Variants in NCAM2 observed in about 807,000 individuals in gnomAD.
NCAM2 encodes the protein N-CAM-2.
A neutral mutation model predicts 98.1 loss-of-function variants in NCAM2; 30 were observed. The ratio of observed to expected loss-of-function variants is 0.31; its 90% CI spans 0.23 to 0.41. The LOEUF (loss-of-function observed/expected upper bound fraction) is 0.41. Ranked by LOEUF, NCAM2 falls within the 10% of genes least tolerant of loss-of-function variation. The pLI is 1.00. For missense variants in NCAM2, 867 were observed against 1,005.8 expected, an observed-to-expected ratio of 0.86 and a Z score of 1.87; for synonymous variants, 368 against 342.4, an observed-to-expected ratio of 1.07 and a Z score of -0.83.
Position 21,292,210 on chromosome 21 carries a change from T to C in NCAM2, c.588T>C (p.Ile196=), listed in dbSNP as rs759230294. Residue 196 remains isoleucine, a synonymous_variant, in exon 5 of 18, where the codon ATT becomes ATC. Transcript: ENST00000400546. The part of the protein sequence containing the change: ...CEGRVEARGE[I]DFRDIIVIVN... ...GAAGAGTGGAGGCCAGGGGAGAAAT[T>C]GACTTCCGTGATATCATTGTTATTG... The C allele has an allele frequency of 4.3e-6, 7 of 1,610,062 alleles. No homozygotes were observed. Among genetic ancestry groups the C allele is most frequent in the Admixed American group, 1.7e-5 (1 of 59,588 alleles).
chr21:21,480,949 A>C (rs1985823114), intron 15 of NCAM2, among the ~76,000 whole-genome samples: 1 of 152,210 alleles, frequency 6.6e-6, no homozygotes, highest in African/African-American at 2.4e-5. Context: ...CATCAGATCC[A>C]TTTAGTATTT....
chr21:21,160,682 G>T (rs1487950677), intron 1 of NCAM2, among the ~76,000 whole-genome samples: 1 of 151,894 alleles, frequency 6.6e-6, no homozygotes, highest in Admixed American at 6.6e-5. Context: ...ATGCTATAGT[G>T]TTGTGTATGC....
chr21:21,083,974 C>T (rs6518070), intron 1 of NCAM2, among the ~76,000 whole-genome samples: 34,379 of 151,998 alleles, frequency 0.23, 4,514 homozygotes, highest in African/African-American at 0.36. Context: ...TTAGGCCTGC[C>T]ATAACAAAAA....
At chr21:21,457,569 G>A (rs1982336189) in intron 12 of NCAM2, among the ~76,000 whole-genome samples, 1 of 151,972 alleles carries the variant, frequency 6.6e-6, no homozygotes, top group South Asian at 2.1e-4. Context: ...GAACCCAGGA[G>A]GCAGAGGTTG....
chr21:21,041,665 A>G (rs539976808), intron 1 of NCAM2, among the ~76,000 whole-genome samples: 42 of 152,320 alleles, frequency 2.8e-4, no homozygotes, highest in African/African-American at 1.0e-3. Flanking sequence ...TGAGTTTTTC[A>G]CAAAGTAGAT....
chr21:21,219,370 A>G (rs1241812183), intron 1 of NCAM2, among the ~76,000 whole-genome samples: 2 of 152,148 alleles, frequency 1.3e-5, no homozygotes, highest in East Asian at 3.9e-4. Context: ...AATTGTTTCT[A>G]CTCAATTTAA....
At chr21:21,411,347 A>T (rs961438637) in intron 10 of NCAM2, among the ~76,000 whole-genome samples, 11 of 149,380 alleles carry the variant, frequency 7.4e-5, no homozygotes, top group African/African-American at 1.2e-4. Flanking sequence ...TTTTCTTTTC[A>T]GTCTGGCAGG....
At chr21:21,241,522 G>C (rs774502388) in intron 1 of NCAM2, among the ~76,000 whole-genome samples, 1 of 152,096 alleles carries the variant, frequency 6.6e-6, no homozygotes, top group African/African-American at 2.4e-5. Context: ...ATGGAGTTCA[G>C]GCTGTAGCCC....
intron 1 of NCAM2, among the ~76,000 whole-genome samples, chr21:21,270,293 C>T (rs1377549126): frequency 6.6e-6 from 1 of 152,136 alleles, no homozygotes; most frequent in African/African-American, 2.4e-5. Flanking sequence ...GATGAGTGAC[C>T]TGTTCCTGGT....
chr21:21,531,687 A>T (rs545509521), intron 16 of NCAM2, among the ~76,000 whole-genome samples: 30 of 152,230 alleles, frequency 2.0e-4, no homozygotes, highest in African/African-American at 7.2e-4. Flanking sequence ...TTTGACAAAC[A>T]ATTGCCTCAT....
intron 1 of NCAM2, among the ~76,000 whole-genome samples, chr21:21,076,572 G>A (rs1034184314): frequency 3.3e-5 from 5 of 151,992 alleles, no homozygotes; most frequent in Admixed American, 2.0e-4. Context: ...TTAAAACTGG[G>A]TCAGTCTATT....
intron 1 of NCAM2, among the ~76,000 whole-genome samples, chr21:21,045,146 C>T (rs907623624): frequency 1.3e-5 from 2 of 151,978 alleles, no homozygotes; most frequent in African/African-American, 4.8e-5. Flanking sequence ...AAACTGTTAA[C>T]AGACATTAAC....
chr21:21,075,262 A>C (rs2146381107), intron 1 of NCAM2, among the ~76,000 whole-genome samples: 1 of 152,252 alleles, frequency 6.6e-6, no homozygotes, highest in South Asian at 2.1e-4. Flanking sequence ...GATGCAGCAA[A>C]CCACCATGGT....
At chr21:21,267,557 G>A (rs766893935) in intron 1 of NCAM2, among the ~76,000 whole-genome samples, 1 of 151,940 alleles carries the variant, frequency 6.6e-6, no homozygotes, top group Non-Finnish European at 1.5e-5. Flanking sequence ...ATTGTGTAAA[G>A]ATTTTTCACA....
chr21:21,386,468 A>G lies in NCAM2; in HGVS notation c.1195+12455A>G, dbSNP rs1005759357. On this transcript the variant is annotated intron_variant, in intron 9 of 17. Coordinates refer to ENST00000400546, the MANE Select transcript of NCAM2 (RefSeq NM_004540.5). ...TACTGCCTGCAACTATTTAGGTTTT[A>G]TGTCCAGTATGGTAATTTCAAGGAC... Among the ~76,000 whole-genome samples the G allele has an allele frequency of 8.5e-5, 13 of 152,290 alleles. 1 individual carries two copies. The South Asian group carries it at 2.7e-3, about 32-fold the overall frequency.
At chr21:21,187,688 G>A (rs1249673175) in intron 1 of NCAM2, among the ~76,000 whole-genome samples, 2 of 152,146 alleles carry the variant, frequency 1.3e-5, no homozygotes, top group African/African-American at 2.4e-5. Flanking sequence ...ACAAAATGGT[G>A]CTAGTTATTA....
chr21:21,063,320 G>A (rs754572369), intron 1 of NCAM2, among the ~76,000 whole-genome samples: 2 of 137,610 alleles, frequency 1.5e-5, no homozygotes, highest in South Asian at 4.7e-4. Context: ...CTGGGTTCAA[G>A]TGATTCTCTT....
chr21:21,466,578 ATTTTG>A (rs756612547), intron 12 of NCAM2, 23 bp from the exon 13 acceptor site: 9 of 1,472,616 alleles, frequency 6.1e-6, no homozygotes, highest in East Asian at 5.0e-5. Flanking sequence ...TATATGTTTT[ATTTTG>A]TTTTGTTTTG....
At chr21:21,454,793 A>G (rs1013205217) in intron 12 of NCAM2, among the ~76,000 whole-genome samples, 1 of 151,960 alleles carries the variant, frequency 6.6e-6, no homozygotes, top group Non-Finnish European at 1.5e-5. Flanking sequence ...TTAAAAAACC[A>G]GGGCTTTAAG....
Sources: gnomAD v4.1 joint callset for allele counts (sites outside exome capture counted in the v4.1 genomes callset) on GRCh38, gnomAD v4.1.1 for gene constraint, MANE v1.5 for transcripts, NCBI Gene and HGNC (gene_info 2026-07-23, HGNC 2026-07-21) for gene names.